Variants in PDZRN4 observed in about 807,000 individuals in gnomAD.
PDZRN4 encodes the protein PDZ domain-containing RING finger protein 4.
Under a neutral mutation model 99.0 loss-of-function variants are expected in PDZRN4, and 70 were observed. The ratio of observed to expected loss-of-function variants is 0.71; its 90% CI spans 0.58 to 0.86. PDZRN4 has a LOEUF of 0.86. Among genes scored for constraint, PDZRN4 ranks in the 40% least tolerant of loss-of-function variants. The pLI is 0.00. For missense variants in PDZRN4, 1,474 were observed against 1,331.2 expected, an observed-to-expected ratio of 1.11 and a Z score of -1.67; for synonymous variants, 551 against 501.6, an observed-to-expected ratio of 1.10 and a Z score of -1.32.
chr12:41,236,539 A>T (rs1387461650), intron 3 of PDZRN4, among the ~76,000 whole-genome samples: 1 of 152,078 alleles, frequency 6.6e-6, no homozygotes, highest in Non-Finnish European at 1.5e-5. Flanking sequence ...CAAATTAGAG[A>T]TGAAGGAAAA....
intron 3 of PDZRN4, among the ~76,000 whole-genome samples, chr12:41,404,199 G>A (rs1267567331): frequency 6.6e-6 from 1 of 151,200 alleles, no homozygotes; most frequent in African/African-American, 2.4e-5. Context: ...TTTTCGATCT[G>A]CGGTTGGTTG....
At chr12:41,446,874 A>G (rs1952733575) in intron 3 of PDZRN4, among the ~76,000 whole-genome samples, 1 of 146,394 alleles carries the variant, frequency 6.8e-6, no homozygotes, top group South Asian at 2.1e-4. Context: ...TTTTTGCTTC[A>G]GCATAATCAT....
chr12:41,493,684 A>T (rs919710768), intron 3 of PDZRN4, among the ~76,000 whole-genome samples: 26 of 152,112 alleles, frequency 1.7e-4, no homozygotes, highest in Non-Finnish European at 3.4e-4. Flanking sequence ...TCCTGTTTGA[A>T]TCACTCATAG....
chr12:41,189,897 C>T (rs578249414), intron 1 of PDZRN4, among the ~76,000 whole-genome samples: 33 of 152,246 alleles, frequency 2.2e-4, no homozygotes, highest in African/African-American at 7.9e-4. Context: ...CCTTCTTTGT[C>T]TAAGCTGCTG....
chr12:41,300,948 G>A, intron 3 of PDZRN4, among the ~76,000 whole-genome samples: 1 of 152,020 alleles, frequency 6.6e-6, no homozygotes, highest in Non-Finnish European at 1.5e-5. Flanking sequence ...TTATCTGCAG[G>A]AAAGCAGCCA....
At chr12:41,352,000 T>TAAATAAATAAATAAATAAAC (rs1184754596) in intron 3 of PDZRN4, among the ~76,000 whole-genome samples, 2 of 151,154 alleles carry the variant, frequency 1.3e-5, no homozygotes, top group African/African-American at 4.9e-5. Context: ...AATAAATAAA[T>TAAATAAATAAATAAATAAAC]AAATAAAAAT....
At chr12:41,242,042 C>T (rs1369906196) in intron 3 of PDZRN4, among the ~76,000 whole-genome samples, 2 of 152,166 alleles carry the variant, frequency 1.3e-5, no homozygotes, top group East Asian at 1.9e-4. Flanking sequence ...TCTGCCTGCT[C>T]ATGTTGTTGG....
intron 3 of PDZRN4, among the ~76,000 whole-genome samples, chr12:41,396,548 G>A (rs1299043670): frequency 6.6e-6 from 1 of 152,128 alleles, no homozygotes; most frequent in African/African-American, 2.4e-5. Context: ...ATTTATGTGA[G>A]TCAAGAATTC....
At chr12:41,559,815 G>A (rs554797536) in intron 7 of PDZRN4, among the ~76,000 whole-genome samples, 16 of 152,080 alleles carry the variant, frequency 1.1e-4, no homozygotes, top group Non-Finnish European at 1.6e-4. Context: ...TCATGGGGGC[G>A]GTTACTCCCA....
intron 3 of PDZRN4, among the ~76,000 whole-genome samples, chr12:41,330,157 G>C (rs936703332): frequency 6.6e-6 from 1 of 151,996 alleles, no homozygotes; most frequent in Non-Finnish European, 1.5e-5. Context: ...TCCAAAATTA[G>C]CATAGTGAGT....
chr12:41,275,888 A>T (rs1951347161), intron 3 of PDZRN4, among the ~76,000 whole-genome samples: 1 of 152,176 alleles, frequency 6.6e-6, no homozygotes, highest in African/African-American at 2.4e-5. Flanking sequence ...TACAGGCTGG[A>T]TGTGAAAAAT....
At chr12:41,418,352 A>G (rs1286083004) in intron 3 of PDZRN4, among the ~76,000 whole-genome samples, 1 of 152,202 alleles carries the variant, frequency 6.6e-6, no homozygotes, top group African/African-American at 2.4e-5. Flanking sequence ...GAAAAGCATA[A>G]CTGGAAGAAA....
chr12:41,234,709 G>C (rs937203958), intron 3 of PDZRN4, among the ~76,000 whole-genome samples: 10 of 152,044 alleles, frequency 6.6e-5, no homozygotes, highest in African/African-American at 2.4e-4. Context: ...TTTCTCAGTT[G>C]CTCTTCAGTA....
At chr12:41,461,396 G>T (rs1952872748) in intron 3 of PDZRN4, among the ~76,000 whole-genome samples, 1 of 152,026 alleles carries the variant, frequency 6.6e-6, no homozygotes, top group South Asian at 2.1e-4. Context: ...AAAAGCCCCA[G>T]GGCATGTTGT....
At chr12:41,364,196 G>A (rs1951981560) in intron 3 of PDZRN4, among the ~76,000 whole-genome samples, 1 of 152,058 alleles carries the variant, frequency 6.6e-6, no homozygotes, top group African/African-American at 2.4e-5. Context: ...TAAATGAAAT[G>A]TGTCATTATT....
intron 3 of PDZRN4, among the ~76,000 whole-genome samples, chr12:41,292,415 G>A (rs780736812): frequency 1.3e-5 from 2 of 152,180 alleles, no homozygotes; most frequent in Non-Finnish European, 2.9e-5. Context: ...AGGTGCAGAG[G>A]TCAGAGAAGG....
chr12:41,230,409 A>C lies in PDZRN4; in HGVS notation c.843+36221A>C, dbSNP rs139071374. On this transcript the variant is annotated intron_variant, in intron 3 of 9. Coordinates refer to ENST00000402685, the MANE Select transcript of PDZRN4 (RefSeq NM_001164595.2). Reference sequence around the variant, plus strand: ...ATATTCATTACTCTGAAGAAATAATAACTAGTAACTGCGTCTTCTGTTAAA... The same window carrying C: ...ATATTCATTACTCTGAAGAAATAATCACTAGTAACTGCGTCTTCTGTTAAA... Among the ~76,000 whole-genome samples, 86 of 152,206 alleles carry C rather than the reference A, an allele frequency of 5.7e-4. 1 individual carries two copies. In the East Asian group the frequency reaches 0.015, roughly 27 times the overall value.
At chr12:41,571,374 TCTCACACA>T (rs770567963) in intron 9 of PDZRN4, among the ~76,000 whole-genome samples, 682 of 60,708 alleles carry the variant, frequency 0.011, 4 homozygotes, top group East Asian at 0.023. Context: ...TCTCTCTCTC[TCTCACACA>T]CACACACACA....
chr12:41,393,144 G>A (rs530992572), intron 3 of PDZRN4, among the ~76,000 whole-genome samples: 21 of 151,998 alleles, frequency 1.4e-4, no homozygotes, highest in Non-Finnish European at 2.5e-4. Flanking sequence ...TCAATTTATA[G>A]GATTTACTAT....
Sources: allele counts gnomAD v4.1 joint callset (sites outside exome capture counted in the v4.1 genomes callset), GRCh38; gene constraint gnomAD v4.1.1; transcripts MANE v1.5; gene names NCBI Gene and HGNC (gene_info 2026-07-23, HGNC 2026-07-21).